Variants in AP1G1 observed in about 807,000 individuals in gnomAD.
AP1G1 encodes AP-1 complex subunit gamma-1.
Under a neutral mutation model 108.3 loss-of-function variants are expected in AP1G1, and 7 were observed. The ratio of observed to expected loss-of-function variants is 0.06; its 90% CI spans 0.04 to 0.12. The LOEUF (loss-of-function observed/expected upper bound fraction) is 0.12. AP1G1 is among the 10% of genes least tolerant of loss of function. The probability of loss-of-function intolerance (pLI) is 1.00; values close to 1 mark genes in which losing one functional copy is unlikely to be tolerated. For missense variants in AP1G1, 756 were observed against 1,010.7 expected, an observed-to-expected ratio of 0.75 and a Z score of 3.42; for synonymous variants, 379 against 353.5, an observed-to-expected ratio of 1.07 and a Z score of -0.81.
intron 17 of AP1G1, among the ~76,000 whole-genome samples, chr16:71,746,359 C>CA (rs1369270014): frequency 6.6e-6 from 1 of 152,028 alleles, no homozygotes; most frequent in Non-Finnish European, 1.5e-5. Flanking sequence ...CTTTCCATAT[C>CA]AAAAAAAGTG....
intron 1 of AP1G1, among the ~76,000 whole-genome samples, chr16:71,797,288 T>C (rs1279271395): frequency 2.0e-5 from 3 of 152,014 alleles, no homozygotes; most frequent in Non-Finnish European, 4.4e-5. Flanking sequence ...CTGATGTAAA[T>C]ATGGATGCCT....
In AP1G1 at chr16:71,734,648, C is replaced by A. The variant is rs1050484545; in HGVS notation, c.2328G>T (p.Gly776=). 4 of 1,614,098 alleles carry A rather than the reference C, an allele frequency of 2.5e-6. No individual in the cohort carries two copies. The highest frequency in any genetic ancestry group is 2.2e-5 in the East Asian group (1 of 44,884). The change falls in exon 22 of 23, where the codon GGG becomes GGT. Residue 776 remains glycine (G), a synonymous_variant. Coordinates refer to ENST00000299980, the MANE Select transcript of AP1G1 (RefSeq NM_001128.6). The stretch of plus-strand genomic sequence containing the variant: ...GAACTTTAATGACTTGTGTGATGGT[C>A]CCCGTGTTAAATGCTGGGACAATGC... The part of the protein sequence containing the change: ...SSSIVPAFNT[G]TITQVIKVLN...
rs1555556359 is a variant in AP1G1, at chr16:71,782,488, A to ATTT, written c.201+6788_201+6790dup. Reference sequence around the variant, plus strand: ...TACAATTATTATTATTATTATTATTATTTTTATTATTATTTTGAGATGGAG... The same window carrying ATTT: ...TACAATTATTATTATTATTATTATTATTTTTTTTATTATTATTTTGAGATGGAG... On this transcript the variant is annotated intron_variant, in intron 2 of 22. Transcript: ENST00000299980. Among the ~76,000 whole-genome samples the ATTT allele has an allele frequency of 5.4e-5, 8 of 149,516 alleles. No individual in the cohort carries two copies. In the South Asian group the frequency reaches 1.3e-3, roughly 24 times the overall value.
In AP1G1 at chr16:71,769,786, C is replaced by G. The variant is rs2031498376; in HGVS notation, c.566-87G>C. ...GACTTTGAGTTCCTGAAGGTCAATTCCAAAAGGATAGTTGCTACTTTTGCT... is the reference window on the plus strand; with the variant it reads ...GACTTTGAGTTCCTGAAGGTCAATTGCAAAAGGATAGTTGCTACTTTTGCT... On this transcript the variant is annotated intron_variant, in intron 5 of 22. Transcript: ENST00000299980. The G allele has an allele frequency of 2.7e-6, 3 of 1,113,078 alleles. No homozygotes were observed. The South Asian group carries it at 3.9e-5, about 14-fold the overall frequency. The allele number at this position is 1,113,078 out of a possible 1,614,324, so 69.0% of individuals were successfully genotyped here.
At chr16:71,758,538 T>C (rs1400591771) in intron 11 of AP1G1, 1 of 585,952 alleles carries the variant, frequency 1.7e-6, no homozygotes, top group Non-Finnish European at 3.3e-6. Context: ...TCTGTGCCTG[T>C]TGTATTTATC....
intron 1 of AP1G1, among the ~76,000 whole-genome samples, chr16:71,801,716 A>G (rs917741016): frequency 6.6e-6 from 1 of 152,158 alleles, no homozygotes; most frequent in African/African-American, 2.4e-5. Context: ...AGGTCAGGAG[A>G]TCACGACCAT....
chr16:71,778,503 T>C (rs1280042433), intron 2 of AP1G1, among the ~76,000 whole-genome samples: 3 of 151,896 alleles, frequency 2.0e-5, no homozygotes. Flanking sequence ...CGCAACACGG[T>C]GAAACCCTGT....
intron 11 of AP1G1, among the ~76,000 whole-genome samples, chr16:71,756,964 A>G (rs1325923333): frequency 6.6e-6 from 1 of 151,670 alleles, no homozygotes; most frequent in East Asian, 1.9e-4. Context: ...AGGGAAAATG[A>G]GGGCCATGAG....
chr16:71,793,892 A>AT (rs1461880765), intron 1 of AP1G1, among the ~76,000 whole-genome samples: 1 of 151,764 alleles, frequency 6.6e-6, no homozygotes, highest in Non-Finnish European at 1.5e-5. Flanking sequence ...TGATTTTTGT[A>AT]TTTTTTTTAG....
chr16:71,789,123 C>G (rs1307112944), intron 2 of AP1G1, among the ~76,000 whole-genome samples, 156 bp downstream of exon 2: 1 of 152,146 alleles, frequency 6.6e-6, no homozygotes, highest in Non-Finnish European at 1.5e-5. Context: ...CATGCCTTTC[C>G]AGGTCTGTGG....
intron 2 of AP1G1, among the ~76,000 whole-genome samples, chr16:71,782,414 T>C (rs1217325384): frequency 6.6e-6 from 1 of 152,018 alleles, no homozygotes; most frequent in Non-Finnish European, 1.5e-5. Flanking sequence ...TCTGCCCGCC[T>C]CAGCCTCACA....
At chr16:71,786,689 G>C (rs2032214481) in intron 2 of AP1G1, among the ~76,000 whole-genome samples, 1 of 152,068 alleles carries the variant, frequency 6.6e-6, no homozygotes, top group African/African-American at 2.4e-5. Context: ...TCTATCTCTT[G>C]ACCTCATGAT....
chr16:71,788,053 T>C (rs1254642568), intron 2 of AP1G1, among the ~76,000 whole-genome samples: 1 of 152,164 alleles, frequency 6.6e-6, no homozygotes, highest in African/African-American at 2.4e-5. Flanking sequence ...CTCTTGATCA[T>C]GTATTTCTAA....
At chr16:71,754,179 C>G (rs1389746878) in intron 12 of AP1G1, among the ~76,000 whole-genome samples, 1 of 146,094 alleles carries the variant, frequency 6.8e-6, no homozygotes, top group Non-Finnish European at 1.5e-5. Context: ...GTTGAGGCTA[C>G]AGTGAGAAAG....
Position 71,731,849 on chromosome 16 carries a change from C to G in AP1G1, c.*1209G>C, listed in dbSNP as rs1846602836. ...GGGGTATGGAAGCTACAAGGCTTCA[C>G]TCCAACACCATAAAGTACAATATGG... On this transcript the variant is annotated 3_prime_UTR_variant, in exon 23 of 23. Coordinates refer to ENST00000299980, the MANE Select transcript of AP1G1 (RefSeq NM_001128.6). 6.6e-6 allele frequency: 1 copy of G among 152,656 alleles called. No individual in the cohort carries two copies. The highest frequency in any genetic ancestry group is 2.4e-5 in the African/African-American group (1 of 41,468). The allele number at this position is 152,656 out of a possible 1,614,324, so 9.5% of individuals were successfully genotyped here.
chr16:71,803,051 C>A (rs540338662), intron 1 of AP1G1, among the ~76,000 whole-genome samples: 1 of 152,018 alleles, frequency 6.6e-6, no homozygotes, highest in South Asian at 2.1e-4. Flanking sequence ...CCCGTCTCCA[C>A]TAAAAATACA....
intron 1 of AP1G1, among the ~76,000 whole-genome samples, chr16:71,794,027 GTT>G (rs1212799426): frequency 1.3e-5 from 2 of 152,136 alleles, no homozygotes; most frequent in Admixed American, 6.6e-5. Context: ...CCATAATGTG[GTT>G]TTATAAAAAG....
intron 8 of AP1G1, 39 bp downstream of exon 8, chr16:71,764,607 C>A (rs571369441): frequency 7.6e-5 from 111 of 1,469,974 alleles, no homozygotes; most frequent in Non-Finnish European, 1.0e-4. Flanking sequence ...CCCAGCGAAA[C>A]TAAAATAAAT....
In AP1G1 at chr16:71,730,002, G is replaced by C. The variant is rs897079349; in HGVS notation, c.*3056C>G. 1 of 152,384 alleles carries C rather than the reference G, an allele frequency of 6.6e-6. No homozygotes were observed. The highest frequency in any genetic ancestry group is 1.5e-5 in the Non-Finnish European group (1 of 68,028). 9.4% of individuals were successfully genotyped at this position (152,384 alleles called of 1,614,324 possible). On this transcript the variant is annotated 3_prime_UTR_variant, in exon 23 of 23. Transcript: ENST00000299980. Reference sequence around the variant, plus strand: ...CATGTTATATAAACCATTAGTGTTGGACAGTTTTAAAAGTCTATTTTCATA... The same window carrying C: ...CATGTTATATAAACCATTAGTGTTGCACAGTTTTAAAAGTCTATTTTCATA...
Sources: allele counts gnomAD v4.1 joint callset (sites outside exome capture counted in the v4.1 genomes callset), GRCh38; gene constraint gnomAD v4.1.1; transcripts MANE v1.5; gene names NCBI Gene and HGNC (gene_info 2026-07-23, HGNC 2026-07-21).